FAM135B: variants seen among roughly 807,000 people sequenced by gnomAD.
FAM135B encodes family with sequence similarity 135 member B, also known as protein FAM135B.
Under a neutral mutation model 127.7 loss-of-function variants are expected in FAM135B, and 43 were observed. The ratio of observed to expected loss-of-function variants is 0.34; its 90% confidence interval spans 0.26 to 0.43. The LOEUF (loss-of-function observed/expected upper bound fraction) is 0.43, where lower values mean the gene tolerates loss of function less well. Among genes scored for constraint, FAM135B ranks in the 20% least tolerant of loss-of-function variants. FAM135B has a pLI of 1.00. For missense variants in FAM135B, 1,558 were observed against 1,725.6 expected (o/e 0.90, Z 1.72); for synonymous variants, 670 against 665.1 (o/e 1.01, Z -0.11).
At chr8:138,328,956 T>C (rs1462548113) in intron 2 of FAM135B, among the ~76,000 whole-genome samples, 1 of 152,206 alleles carries the variant, frequency 6.6e-6, no homozygotes, top group African/African-American at 2.4e-5. Flanking sequence ...ACTTATCCTT[T>C]TGGATGATGT....
Position 138,132,222 on chromosome 8 carries a change from A to G in FAM135B, c.*371T>C, listed in dbSNP as rs1027527818. 4.2e-6 allele frequency: 1 copy of G among 237,672 alleles called. No homozygotes were observed. Among genetic ancestry groups the G allele is most frequent in the Non-Finnish European group, 8.4e-6 (1 of 119,736 alleles). The allele number at this position is 237,672 out of a possible 1,614,324, so 14.7% of individuals were successfully genotyped here. On this transcript the variant is annotated 3_prime_UTR_variant, in exon 20 of 20. Transcript: ENST00000395297. The surrounding 1 kb of genome is among the most constrained non-coding windows in gnomAD (Gnocchi z 4.5). Reference sequence around the variant, plus strand: ...CTTAATCAGAAATGATAAAGCTATAAGCTAGTAACATATTCGGCAAGTCTA... The same window carrying G: ...CTTAATCAGAAATGATAAAGCTATAGGCTAGTAACATATTCGGCAAGTCTA...
intron 7 of FAM135B, among the ~76,000 whole-genome samples, chr8:138,239,521 A>G (rs1292225356): frequency 6.6e-6 from 1 of 152,186 alleles, no homozygotes; most frequent in Non-Finnish European, 1.5e-5. Flanking sequence ...GTTCACTCTG[A>G]TGGTAGTTTC....
intron 1 of FAM135B, among the ~76,000 whole-genome samples, chr8:138,418,419 T>C (rs768594804): frequency 9.3e-5 from 14 of 151,160 alleles, no homozygotes; most frequent in Non-Finnish European, 1.3e-4. Flanking sequence ...AAGGTCAATA[T>C]ACAAATTCAG....
chr8:138,336,787 T>A (rs538671057), intron 2 of FAM135B, among the ~76,000 whole-genome samples: 1 of 152,132 alleles, frequency 6.6e-6, no homozygotes, highest in Non-Finnish European at 1.5e-5. Flanking sequence ...TACCAAAGCC[T>A]GGCAGAGACA....
At chr8:138,271,632 A>T (rs983401954) in intron 3 of FAM135B, among the ~76,000 whole-genome samples, 2 of 152,186 alleles carry the variant, frequency 1.3e-5, no homozygotes, top group African/African-American at 4.8e-5. Flanking sequence ...TGAATGTTTC[A>T]TCTTTCCACA....
chr8:138,215,078 T>C (rs1818444392), intron 7 of FAM135B, among the ~76,000 whole-genome samples: 1 of 152,134 alleles, frequency 6.6e-6, no homozygotes, highest in African/African-American at 2.4e-5. Context: ...AACACAGATT[T>C]TTCAAAAAGT....
chr8:138,393,879 C>T (rs943706363), intron 1 of FAM135B, among the ~76,000 whole-genome samples: 1 of 152,204 alleles, frequency 6.6e-6, no homozygotes, highest in Non-Finnish European at 1.5e-5. Context: ...ACACCCATAT[C>T]TGGAACCCAG....
At chr8:138,391,587 T>C (rs987646201) in intron 1 of FAM135B, among the ~76,000 whole-genome samples, 1 of 152,172 alleles carries the variant, frequency 6.6e-6, no homozygotes, top group East Asian at 1.9e-4. Context: ...AGCTGCCCTC[T>C]GAAAGGAGCA....
At position 138,471,617 on chromosome 8, in the gene FAM135B, G is replaced by A. The variant is rs138388651; in HGVS notation, c.-20+25054C>T. On this transcript the variant is annotated intron_variant, in intron 1 of 19. Transcript: ENST00000395297. ...TAAGTTTGGAACTTGTTGAGTTTAA[G>A]GTGCTTTGAAATGCACTCCTAAAGA... 1.9e-3 allele frequency among the ~76,000 whole-genome samples: 288 copies of A among 152,202 alleles called. 2 individuals are homozygous for A. The highest frequency in any genetic ancestry group is 0.016 in the Admixed American group (252 of 15,282).
intron 11 of FAM135B, among the ~76,000 whole-genome samples, chr8:138,170,435 TG>T (rs573889120): frequency 1.1e-4 from 16 of 152,142 alleles, no homozygotes; most frequent in Non-Finnish European, 2.2e-4. Flanking sequence ...TTGGTCAGGC[TG>T]GTCTTGAACT....
chr8:138,400,060 A>G (rs1276919179), intron 1 of FAM135B, among the ~76,000 whole-genome samples: 2 of 152,150 alleles, frequency 1.3e-5, no homozygotes, highest in African/African-American at 2.4e-5. Flanking sequence ...TGAAGACTCA[A>G]TAAATTTCAG....
intron 1 of FAM135B, among the ~76,000 whole-genome samples, chr8:138,423,936 C>A (rs969496117): frequency 1.3e-5 from 2 of 152,166 alleles, no homozygotes; most frequent in Non-Finnish European, 2.9e-5. Context: ...AGAATTCAGC[C>A]ATATTTCTCC....
intron 12 of FAM135B, among the ~76,000 whole-genome samples, chr8:138,159,353 C>A: frequency 6.7e-6 from 1 of 149,672 alleles, no homozygotes; most frequent in Admixed American, 6.7e-5. Flanking sequence ...TGGAACCAAC[C>A]CAAATGTCCA....
chr8:138,359,991 C>A (rs915035309), intron 2 of FAM135B, among the ~76,000 whole-genome samples: 13 of 152,094 alleles, frequency 8.5e-5, no homozygotes, highest in Non-Finnish European at 1.9e-4. Flanking sequence ...ATTATAGGTC[C>A]TTTTTGTGAG....
At chr8:138,275,397 G>C (rs1389107265) in intron 3 of FAM135B, among the ~76,000 whole-genome samples, 1 of 152,152 alleles carries the variant, frequency 6.6e-6, no homozygotes, top group East Asian at 1.9e-4. Flanking sequence ...ATATAAACTA[G>C]ATGTTGGCCA....
At chr8:138,206,285 G>A (rs62530917) in intron 7 of FAM135B, among the ~76,000 whole-genome samples, 2,919 of 11,656 alleles carry the variant, frequency 0.25, 14 homozygotes, top group Middle Eastern at 0.39. Context: ...CTCCACCTAC[G>A]CACAGCTCTA....
rs188455191 is a variant in FAM135B at position 138,309,548 on chromosome 8, T to C, written c.157+1293A>G. Among the ~76,000 whole-genome samples, 32 of 152,336 alleles carry C rather than the reference T, an allele frequency of 2.1e-4. No individual in the cohort carries two copies. The East Asian group carries it at 6.0e-3, about 29-fold the overall frequency. ...CTCTGAAACCACAGGCCTCTTCTCA[T>C]GTTCTATCATGTGGCCTGGGGAACC... On this transcript the variant is annotated intron_variant, in intron 3 of 19. Coordinates refer to ENST00000395297, the MANE Select transcript of FAM135B (RefSeq NM_015912.4).
chr8:138,195,234 C>A (rs2131111359), intron 9 of FAM135B, 24 bp downstream of exon 9: 2 of 1,612,158 alleles, frequency 1.2e-6, no homozygotes, highest in South Asian at 2.2e-5. Context: ...TTCATTCAGA[C>A]CCCAGCGCCA....
At chr8:138,343,312 C>T (rs1829181821) in intron 2 of FAM135B, among the ~76,000 whole-genome samples, 1 of 152,206 alleles carries the variant, frequency 6.6e-6, no homozygotes, top group Non-Finnish European at 1.5e-5. Flanking sequence ...CACATGCAGA[C>T]ACTGCTATAC....
Sources: gnomAD v4.1 joint callset for allele counts (sites outside exome capture counted in the v4.1 genomes callset) on GRCh38, gnomAD v4.1.1 for gene constraint, Gnocchi (gnomAD v3.1) non-coding constraint, MANE v1.5 for transcripts, NCBI Gene and HGNC (gene_info 2026-07-23, HGNC 2026-07-21) for gene names.